The following MARCHF1 variants were observed in gnomAD, a reference collection of about 807,000 sequenced individuals.
MARCHF1 encodes membrane associated ring-CH-type finger 1, also known as E3 ubiquitin-protein ligase MARCHF1.
A neutral mutation model predicts 54.2 loss-of-function variants in MARCHF1; 40 were observed. That is an observed-to-expected ratio of 0.74 (90% CI 0.57 to 0.96). MARCHF1 has a LOEUF of 0.96. MARCHF1 is among the 40% of genes least tolerant of loss of function. The pLI is 0.00. For missense variants in MARCHF1, 586 were observed against 656.5 expected (o/e 0.89, Z 1.17); for synonymous variants, 236 against 236.3 (o/e 1.00, Z 0.01).
chr4:163,827,622 A>G (rs561604319), intron 4 of MARCHF1, among the ~76,000 whole-genome samples: 8 of 152,320 alleles, frequency 5.3e-5, no homozygotes, highest in Admixed American at 5.2e-4. Flanking sequence ...TCACATGGTT[A>G]GCATCAATAA....
At chr4:164,290,995 T>G (rs976943347) in intron 1 of MARCHF1, among the ~76,000 whole-genome samples, 3 of 151,960 alleles carry the variant, frequency 2.0e-5, no homozygotes, top group African/African-American at 7.2e-5. Context: ...AGTAAACATG[T>G]TTTTTAAATT....
intron 4 of MARCHF1, among the ~76,000 whole-genome samples, chr4:163,808,610 C>T (rs1347674870): frequency 1.3e-5 from 2 of 152,008 alleles, no homozygotes; most frequent in Non-Finnish European, 1.5e-5. Flanking sequence ...CCTTTGTCAC[C>T]CAGTCTGGAG....
At chr4:163,754,465 G>A (rs1746608685) in intron 4 of MARCHF1, among the ~76,000 whole-genome samples, 2 of 152,072 alleles carry the variant, frequency 1.3e-5, no homozygotes, top group Admixed American at 1.3e-4. Flanking sequence ...TAGACATCCT[G>A]GATTCTTCAG....
At chr4:164,300,146 C>G (rs967478795) in intron 1 of MARCHF1, among the ~76,000 whole-genome samples, 5 of 151,938 alleles carry the variant, frequency 3.3e-5, no homozygotes, top group Non-Finnish European at 5.9e-5. Context: ...TCTAAAGTCT[C>G]TTCCTCTCCT....
chr4:163,737,214 A>ATTTTTTTTTTTTTTTTTTTTAT (rs200485998), intron 4 of MARCHF1, among the ~76,000 whole-genome samples: 1 of 43,590 alleles, frequency 2.3e-5, no homozygotes, highest in East Asian at 3.6e-4. Flanking sequence ...ATTTTTTTTA[A>ATTTTTTTTTTTTTTTTTTTTAT]TTTTTTTTTT....
intron 4 of MARCHF1, among the ~76,000 whole-genome samples, chr4:163,725,919 C>T (rs1177644993): frequency 6.6e-6 from 1 of 152,074 alleles, no homozygotes; most frequent in Non-Finnish European, 1.5e-5. Flanking sequence ...TTATGATTTC[C>T]AATCATCTTC....
intron 1 of MARCHF1, among the ~76,000 whole-genome samples, chr4:164,274,997 A>G (rs1733841987): frequency 6.6e-6 from 1 of 151,440 alleles, no homozygotes; most frequent in South Asian, 2.1e-4. Context: ...TTAAGCAGAG[A>G]CACTACTTTG....
chr4:164,346,306 T>G (rs924957459), intron 1 of MARCHF1, among the ~76,000 whole-genome samples: 1 of 152,174 alleles, frequency 6.6e-6, no homozygotes, highest in South Asian at 2.1e-4. Context: ...TCTATAAATG[T>G]GCAGAAGTCA....
At chr4:164,015,289 GT>G (rs777199583) in intron 2 of MARCHF1, among the ~76,000 whole-genome samples, 32 of 152,172 alleles carry the variant, frequency 2.1e-4, no homozygotes, top group Non-Finnish European at 4.6e-4. Flanking sequence ...CTCTCACCAT[GT>G]ATAAAAATCA....
intron 8 of MARCHF1, among the ~76,000 whole-genome samples, chr4:163,574,480 T>C (rs1467794576): frequency 3.1e-4 from 47 of 149,460 alleles, no homozygotes; most frequent in African/African-American, 1.1e-3. Context: ...CCATCTTGAA[T>C]TGATTTTTGT....
chr4:164,303,811 G>A (rs1304018664), intron 1 of MARCHF1, among the ~76,000 whole-genome samples: 1 of 151,766 alleles, frequency 6.6e-6, no homozygotes, highest in Non-Finnish European at 1.5e-5. Context: ...TTCAGCTCAG[G>A]GATCTTAAGT....
chr4:164,297,776 G>A (rs774147612), intron 1 of MARCHF1, among the ~76,000 whole-genome samples: 3 of 152,036 alleles, frequency 2.0e-5, no homozygotes, highest in Non-Finnish European at 4.4e-5. Context: ...TTGTACTACC[G>A]TTGCAATTTT....
intron 1 of MARCHF1, among the ~76,000 whole-genome samples, chr4:164,165,516 A>G (rs913817717): frequency 6.6e-6 from 1 of 151,980 alleles, no homozygotes; most frequent in Non-Finnish European, 1.5e-5. Context: ...CTCCAAAATT[A>G]TGAGTAAATA....
At chr4:164,094,476 G>T (rs1433253228) in intron 2 of MARCHF1, among the ~76,000 whole-genome samples, 2 of 152,068 alleles carry the variant, frequency 1.3e-5, no homozygotes, top group African/African-American at 4.8e-5. Flanking sequence ...TTTGAGCAGT[G>T]GATATCAGTG....
chr4:164,043,387 C>T (rs1300316871), intron 2 of MARCHF1, among the ~76,000 whole-genome samples: 1 of 152,162 alleles, frequency 6.6e-6, no homozygotes, highest in Non-Finnish European at 1.5e-5. Context: ...AGGCTTGGGA[C>T]TTGCACCCTC....
chr4:164,092,928 G>A (rs1755334880), intron 2 of MARCHF1, among the ~76,000 whole-genome samples: 1 of 152,066 alleles, frequency 6.6e-6, no homozygotes, highest in Admixed American at 6.6e-5. Context: ...GGAAAACTTA[G>A]ATCAATCCTA....
intron 3 of MARCHF1, among the ~76,000 whole-genome samples, chr4:163,985,262 C>T (rs1579441094): frequency 6.6e-6 from 1 of 152,218 alleles, no homozygotes; most frequent in East Asian, 1.9e-4. Context: ...GTCTAAGGCA[C>T]TTCATTTTAA....
intron 1 of MARCHF1, among the ~76,000 whole-genome samples, chr4:164,138,812 G>A (rs1328752170): frequency 6.6e-6 from 1 of 152,164 alleles, no homozygotes; most frequent in Non-Finnish European, 1.5e-5. Flanking sequence ...CTATCTTAGA[G>A]AGATTAAATT....
At position 163,557,077 on chromosome 4, in the gene MARCHF1, C is replaced by T. The variant is rs114038958; in HGVS notation, c.1192-11334G>A. ...GCTCTCCCTTGAATTGATTTAATAG[C>T]GATAGCAGGGAAGGGTTGGAGGTAT... On this transcript the variant is annotated intron_variant, in intron 8 of 9. Transcript: ENST00000514618. 4.9e-3 allele frequency among the ~76,000 whole-genome samples: 753 copies of T among 152,142 alleles called. 4 individuals are homozygous for T. Among genetic ancestry groups the T allele is most frequent in the African/African-American group, 0.017 (715 of 41,494 alleles).
Sources: allele counts gnomAD v4.1 joint callset (sites outside exome capture counted in the v4.1 genomes callset), GRCh38; gene constraint gnomAD v4.1.1; transcripts MANE v1.5; gene names NCBI Gene and HGNC (gene_info 2026-07-23, HGNC 2026-07-21).